CPE: variants seen among roughly 807,000 people sequenced by gnomAD.
CPE encodes the protein carbocypeptidase E.
Under a neutral mutation model 53.5 loss-of-function variants are expected in CPE, and 17 were observed. The observed-to-expected ratio is 0.32, with a 90% CI of 0.22 to 0.48. The LOEUF is 0.48. Among genes scored for constraint, CPE ranks in the 20% least tolerant of loss-of-function variants. The probability of loss-of-function intolerance (pLI) is 0.99; values close to 1 mark genes in which losing one functional copy is unlikely to be tolerated. For synonymous variants in CPE, 226 were observed against 228.8 expected, an observed-to-expected ratio of 0.99 and a Z score of 0.11; for missense variants, 524 against 614.7, an observed-to-expected ratio of 0.85 and a Z score of 1.56.
At chr4:165,482,431 C>T (rs1037779309) in intron 4 of CPE, 72 bp downstream of exon 4, 2 of 1,087,826 alleles carry the variant, frequency 1.8e-6, no homozygotes, top group Non-Finnish European at 2.7e-6. Flanking sequence ...AAGATGATTT[C>T]TGTAATTTTT....
At chr4:165,427,282 T>C (rs1335227221) in intron 1 of CPE, among the ~76,000 whole-genome samples, 2 of 152,222 alleles carry the variant, frequency 1.3e-5, no homozygotes, top group Non-Finnish European at 2.9e-5. Flanking sequence ...CCTAACTGGC[T>C]GCCTGATCAG....
At chr4:165,494,350 G>A (rs1732664769) in intron 7 of CPE, among the ~76,000 whole-genome samples, 1 of 152,168 alleles carries the variant, frequency 6.6e-6, no homozygotes, top group Admixed American at 6.5e-5. Flanking sequence ...ATAAACACGT[G>A]GGAAGAAATT....
chr4:165,404,232 T>C, intron 1 of CPE: 1 of 762,362 alleles, frequency 1.3e-6, no homozygotes, highest in Non-Finnish European at 2.4e-6. Flanking sequence ...GGTGGGAAGC[T>C]GAGCCCGAAG....
intron 1 of CPE, among the ~76,000 whole-genome samples, chr4:165,427,378 G>A (rs1731339767): frequency 1.5e-5 from 2 of 137,112 alleles, no homozygotes; most frequent in Admixed American, 1.4e-4. Context: ...TTATAATTTT[G>A]TCCAACCTTT....
intron 3 of CPE, among the ~76,000 whole-genome samples, chr4:165,472,477 T>C (rs1732225777): frequency 6.6e-6 from 1 of 152,252 alleles, no homozygotes; most frequent in Non-Finnish European, 1.5e-5. Flanking sequence ...TAATTATTAC[T>C]GACAATGTAT....
At chr4:165,386,232 G>C (rs1412213010) in intron 1 of CPE, 2 of 522,940 alleles carry the variant, frequency 3.8e-6, no homozygotes, top group Non-Finnish European at 3.9e-6. Context: ...ATTTCCCACT[G>C]TTGGTCTACA....
intron 1 of CPE, among the ~76,000 whole-genome samples, chr4:165,424,761 C>A (rs931988797): frequency 6.6e-6 from 1 of 152,042 alleles, no homozygotes; most frequent in Non-Finnish European, 1.5e-5. Context: ...GTCTCGATCT[C>A]CTGACCTCGT....
rs1189234935 is a variant in CPE, at chr4:165,379,624, C to T, written c.307+96C>T. The T allele has an allele frequency of 2.4e-4, 254 of 1,053,898 alleles. 1 individual carries two copies. Among genetic ancestry groups the T allele is most frequent in the Non-Finnish European group, 7.8e-6 (6 of 767,548 alleles). The allele number at this position is 1,053,898 out of a possible 1,614,324, so 65.3% of individuals were successfully genotyped here. A position where few individuals can be genotyped will look rare whatever the true frequency, so the allele number is the denominator to read the frequency against. ...GGTGGGGGAAGGAGGGAGGGATGGGCCCAGGGGTGCCTCTTGGTAAAAGGT... is the reference window on the plus strand; with the variant it reads ...GGTGGGGGAAGGAGGGAGGGATGGGTCCAGGGGTGCCTCTTGGTAAAAGGT... On this transcript the variant is annotated intron_variant, in intron 1 of 8. Coordinates refer to ENST00000402744, the MANE Select transcript of CPE (RefSeq NM_001873.4). The surrounding 1 kb of genome is among the most constrained non-coding windows in gnomAD (Gnocchi z 6.0).
chr4:165,450,013 G>A (rs1011278917), intron 1 of CPE, among the ~76,000 whole-genome samples: 5 of 152,126 alleles, frequency 3.3e-5, no homozygotes, highest in African/African-American at 4.8e-5. Context: ...TAACATTTAA[G>A]TTGACATTTT....
chr4:165,463,217 T>A (rs1457981254), intron 1 of CPE, among the ~76,000 whole-genome samples: 1 of 152,144 alleles, frequency 6.6e-6, no homozygotes, highest in Non-Finnish European at 1.5e-5. Context: ...TAAAAATACA[T>A]GCCTTACACA....
intron 1 of CPE, among the ~76,000 whole-genome samples, chr4:165,422,276 TACTC>T (rs1401488277): frequency 1.4e-5 from 2 of 140,570 alleles, no homozygotes; most frequent in African/African-American, 5.2e-5. Flanking sequence ...GGAAATTACT[TACTC>T]AATTCATCGT....
chr4:165,381,514 G>A (rs1324064758), intron 1 of CPE: 6 of 337,554 alleles, frequency 1.8e-5, no homozygotes, highest in African/African-American at 4.3e-5. Context: ...AGACAAACTC[G>A]GAAGTGTTGT....
chr4:165,396,879 G>C (rs1290246765), intron 1 of CPE, among the ~76,000 whole-genome samples: 1 of 134,662 alleles, frequency 7.4e-6, no homozygotes, highest in East Asian at 2.3e-4. Context: ...GCGAAACCCT[G>C]TCGCCACAAA....
At chr4:165,448,909 T>C (rs1454534677) in intron 1 of CPE, among the ~76,000 whole-genome samples, 1 of 152,172 alleles carries the variant, frequency 6.6e-6, no homozygotes, top group Admixed American at 6.5e-5. Context: ...GGTTGCTGAG[T>C]TCCAGTACTG....
At chr4:165,404,898 C>A (rs1252210906) in intron 1 of CPE, 1 of 761,866 alleles carries the variant, frequency 1.3e-6, no homozygotes. Context: ...CTTTTGCTGA[C>A]AGCAGCGATT....
intron 1 of CPE, among the ~76,000 whole-genome samples, chr4:165,386,838 T>C (rs1730601123): frequency 6.6e-6 from 1 of 152,228 alleles, no homozygotes; most frequent in African/African-American, 2.4e-5. Context: ...CTAAGAACTG[T>C]GTGCTTGTTT....
Position 165,392,506 on chromosome 4 carries a change from AAATATAT to A in CPE, c.307+12986_307+12992del, listed in dbSNP as rs987522693. ...ATATATTTACAATATATGATATATT[AAATATAT>A]AATATATGTATATATTATATTAAAT... On this transcript the variant is annotated intron_variant, in intron 1 of 8. Coordinates refer to ENST00000402744, the MANE Select transcript of CPE (RefSeq NM_001873.4). Among the ~76,000 whole-genome samples, 392 of 145,398 alleles carry A rather than the reference AAATATAT, an allele frequency of 2.7e-3. 3 individuals are homozygous for A. The highest frequency in any genetic ancestry group is 9.4e-3 in the African/African-American group (378 of 40,100).
At chr4:165,479,221 A>G (rs1732357949) in intron 3 of CPE, among the ~76,000 whole-genome samples, 1 of 152,248 alleles carries the variant, frequency 6.6e-6, no homozygotes. Context: ...AAGCATATGC[A>G]TTATAGAGTA....
chr4:165,392,106 G>A (rs58681495), intron 1 of CPE, among the ~76,000 whole-genome samples: 3,247 of 151,096 alleles, frequency 0.021, 106 homozygotes, highest in African/African-American at 0.074. Flanking sequence ...AGTTTTGGGG[G>A]TGCTGTGCTT....
Sources: allele counts gnomAD v4.1 joint callset (sites outside exome capture counted in the v4.1 genomes callset), GRCh38; gene constraint gnomAD v4.1.1; non-coding constraint Gnocchi (gnomAD v3.1); transcripts MANE v1.5; gene names NCBI Gene and HGNC (gene_info 2026-07-23, HGNC 2026-07-21).